The following IQCJ variants were observed in gnomAD, a reference collection of about 807,000 sequenced individuals.
IQCJ encodes IQ motif containing J, also known as IQ domain-containing protein J.
A neutral mutation model predicts 11.0 loss-of-function variants in IQCJ; 9 were observed. The observed-to-expected ratio is 0.82, with a 90% CI of 0.49 to 1.43. The LOEUF is 1.43. IQCJ is among the 40% of genes most tolerant of loss of function. The pLI, the probability that IQCJ is intolerant of heterozygous loss-of-function variation, is 0.00. For missense variants in IQCJ, 146 were observed against 133.2 expected (o/e 1.10, Z -0.47); for synonymous variants, 55 against 51.3 (o/e 1.07, Z -0.31).
At chr3:159,069,843 TTGTGTGTGTGTGTGTGTGTGTGTG>T in intron 1 of IQCJ, 2 of 299,520 alleles carry the variant, frequency 6.7e-6, no homozygotes, top group Admixed American at 3.5e-5. Flanking sequence ...CCCTCCTTTC[TTGTGTGTGTGTGTGTGTGTGTGTG>T]TGTGTGTGTG....
chr3:159,221,820 T>TAAAAAAAAAAA (rs59547898), intron 1 of IQCJ, among the ~76,000 whole-genome samples: 1 of 99,068 alleles, frequency 1.0e-5, no homozygotes, highest in African/African-American at 3.7e-5. Context: ...CAAGAAAGAA[T>TAAAAAAAAAAA]AAAAAAAAAA....
chr3:159,194,013 G>T (rs1322611961), intron 1 of IQCJ, among the ~76,000 whole-genome samples: 1 of 152,164 alleles, frequency 6.6e-6, no homozygotes, highest in Non-Finnish European at 1.5e-5. Context: ...CAGACATTTT[G>T]ATATTCCTCT....
intron 3 of IQCJ, among the ~76,000 whole-genome samples, chr3:159,256,908 T>C (rs545573232): frequency 6.6e-6 from 1 of 152,224 alleles, no homozygotes; most frequent in African/African-American, 2.4e-5. Context: ...GTAATTTACA[T>C]ACATTATCCT....
intron 1 of IQCJ, among the ~76,000 whole-genome samples, chr3:159,219,063 C>G (rs538105195): frequency 6.6e-6 from 1 of 152,090 alleles, no homozygotes; most frequent in African/African-American, 2.4e-5. Flanking sequence ...TCTGGATAAT[C>G]CAATATAATC....
intron 1 of IQCJ, among the ~76,000 whole-genome samples, chr3:159,129,012 A>C (rs1386758373): frequency 6.6e-6 from 1 of 152,148 alleles, no homozygotes; most frequent in East Asian, 1.9e-4. Context: ...GCTAAAAACA[A>C]CCACGCATAC....
At chr3:159,246,451 G>A (rs1167771004) in intron 2 of IQCJ, among the ~76,000 whole-genome samples, 3 of 152,100 alleles carry the variant, frequency 2.0e-5, no homozygotes, top group African/African-American at 4.8e-5. Context: ...TCCATTTCAC[G>A]GATGAGGAAA....
chr3:159,073,024 A>G (rs1021079282), intron 1 of IQCJ, among the ~76,000 whole-genome samples: 2 of 152,084 alleles, frequency 1.3e-5, no homozygotes, highest in Non-Finnish European at 2.9e-5. Flanking sequence ...GTAAAGACAA[A>G]TGGGGAAGGA....
At chr3:159,140,598 G>A (rs1418818582) in intron 1 of IQCJ, among the ~76,000 whole-genome samples, 2 of 152,216 alleles carry the variant, frequency 1.3e-5, no homozygotes, top group African/African-American at 4.8e-5. Context: ...GAAAGACAGA[G>A]TGTGACACAG....
At chr3:159,156,956 T>C (rs963645230) in intron 1 of IQCJ, among the ~76,000 whole-genome samples, 1 of 152,204 alleles carries the variant, frequency 6.6e-6, no homozygotes, top group African/African-American at 2.4e-5. Context: ...CCTTATAACC[T>C]ACACCTGGCT....
chr3:159,129,599 A>T (rs1719878583), intron 1 of IQCJ, among the ~76,000 whole-genome samples: 6 of 152,152 alleles, frequency 3.9e-5, no homozygotes. Context: ...AGAAAAGTTC[A>T]GGGGAGAGGA....
chr3:159,107,696 A>G (rs923541529), intron 1 of IQCJ, among the ~76,000 whole-genome samples: 9 of 152,196 alleles, frequency 5.9e-5, no homozygotes, highest in Non-Finnish European at 1.0e-4. Flanking sequence ...AGGGCAACCA[A>G]TGAGCTAAGT....
intron 1 of IQCJ, among the ~76,000 whole-genome samples, chr3:159,238,760 C>T (rs1055476710): frequency 6.6e-6 from 1 of 151,892 alleles, no homozygotes; most frequent in African/African-American, 2.4e-5. Flanking sequence ...GAGTTAGAGG[C>T]ATGTTGTCAC....
intron 1 of IQCJ, among the ~76,000 whole-genome samples, chr3:159,106,259 C>A (rs1048455225): frequency 6.6e-6 from 1 of 152,160 alleles, no homozygotes; most frequent in Non-Finnish European, 1.5e-5. Context: ...GCTAGACATT[C>A]AGAGACCTTG....
intron 1 of IQCJ, among the ~76,000 whole-genome samples, chr3:159,206,831 C>T (rs1724682104): frequency 6.6e-6 from 1 of 152,118 alleles, no homozygotes; most frequent in South Asian, 2.1e-4. Flanking sequence ...TTTGATTCTT[C>T]ATTAATCACA....
intron 1 of IQCJ, among the ~76,000 whole-genome samples, chr3:159,204,096 G>T (rs534943115): frequency 3.9e-5 from 6 of 152,124 alleles, no homozygotes; most frequent in African/African-American, 4.8e-5. Flanking sequence ...ATGAAAGGCT[G>T]GACTCCATTT....
chr3:159,244,233 T>C (rs963604109), intron 1 of IQCJ, among the ~76,000 whole-genome samples: 5 of 152,114 alleles, frequency 3.3e-5, no homozygotes, highest in Non-Finnish European at 5.9e-5. Context: ...AAATAGAAGC[T>C]GTGAGACTGG....
intron 1 of IQCJ, among the ~76,000 whole-genome samples, chr3:159,076,511 G>A (rs1176953979): frequency 6.6e-6 from 1 of 152,004 alleles, no homozygotes; most frequent in Non-Finnish European, 1.5e-5. Context: ...TTTCTTATCT[G>A]TAAAATGAAT....
chr3:159,249,229 T>G (rs552122656), intron 2 of IQCJ, among the ~76,000 whole-genome samples: 1 of 152,148 alleles, frequency 6.6e-6, no homozygotes, highest in Non-Finnish European at 1.5e-5. Context: ...ATTAAACCTC[T>G]CACTAACACC....
intron 1 of IQCJ, among the ~76,000 whole-genome samples, chr3:159,172,430 TC>T (rs1457810189): frequency 6.6e-6 from 1 of 151,788 alleles, no homozygotes; most frequent in Non-Finnish European, 1.5e-5. Context: ...ATTTTTTTTT[TC>T]CTTCCAAATT....
Sources: gnomAD v4.1 joint callset for allele counts (sites outside exome capture counted in the v4.1 genomes callset) on GRCh38, gnomAD v4.1.1 for gene constraint, MANE v1.5 for transcripts, NCBI Gene and HGNC (gene_info 2026-07-23, HGNC 2026-07-21) for gene names.